Variants in UBE2K observed in about 807,000 individuals in gnomAD.
UBE2K encodes ubiquitin-conjugating enzyme E2 K.
UBE2K carries 6 observed loss-of-function variants against 30.0 expected under a neutral mutation model. That is an observed-to-expected ratio of 0.20 (90% CI 0.11 to 0.39). The LOEUF is 0.39. Ranked by LOEUF, UBE2K falls within the 10% of genes least tolerant of loss-of-function variation. UBE2K has a pLI of 1.00. For missense variants in UBE2K, 61 were observed against 241.6 expected, an observed-to-expected ratio of 0.25 and a Z score of 4.96; for synonymous variants, 86 against 83.7, an observed-to-expected ratio of 1.03 and a Z score of -0.15.
chr4:39,761,503 C>T (rs1044891347), intron 4 of UBE2K, among the ~76,000 whole-genome samples: 20 of 152,170 alleles, frequency 1.3e-4, no homozygotes, highest in Non-Finnish European at 2.9e-4. Context: ...TACATAGCCA[C>T]ATTAACTATG....
intron 1 of UBE2K, among the ~76,000 whole-genome samples, chr4:39,718,606 G>A (rs904777500): frequency 6.6e-6 from 1 of 152,252 alleles, no homozygotes; most frequent in African/African-American, 2.4e-5. Context: ...AGGGGGGCAG[G>A]ACTCAGGCAT....
At chr4:39,715,999 G>A (rs529151287) in intron 1 of UBE2K, among the ~76,000 whole-genome samples, 23 of 152,294 alleles carry the variant, frequency 1.5e-4, no homozygotes, top group Non-Finnish European at 2.4e-4. Context: ...CACAGAGTGA[G>A]TTCTCGTGAT....
chr4:39,741,773 GT>G (rs1465734099), intron 2 of UBE2K, among the ~76,000 whole-genome samples: 1 of 152,080 alleles, frequency 6.6e-6, no homozygotes, highest in African/African-American at 2.4e-5. Context: ...TTTCTTTTAG[GT>G]TTATGGAATC....
At chr4:39,737,005 A>T (rs1250998829) in intron 1 of UBE2K, among the ~76,000 whole-genome samples, 1 of 152,110 alleles carries the variant, frequency 6.6e-6, no homozygotes. Context: ...ATGACCCTGA[A>T]TTTTCTGTTT....
At chr4:39,714,252 C>T in intron 1 of UBE2K, 2 of 186,598 alleles carry the variant, frequency 1.1e-5, no homozygotes, top group Non-Finnish European at 1.2e-5. Flanking sequence ...TTGTTTTCAA[C>T]ATTGTTCTGC....
At chr4:39,744,411 A>T (rs757197623) in intron 2 of UBE2K, among the ~76,000 whole-genome samples, 1 of 150,370 alleles carries the variant, frequency 6.7e-6, no homozygotes, top group Non-Finnish European at 1.5e-5. Context: ...TGACCTCGTG[A>T]TCCACCTGCC....
intron 1 of UBE2K, among the ~76,000 whole-genome samples, chr4:39,723,362 CTT>C (rs529806724): frequency 4.6e-5 from 5 of 108,328 alleles, no homozygotes; most frequent in Admixed American, 1.2e-4. Context: ...GCTGTCTTCT[CTT>C]TTTTTTTTTT....
intron 1 of UBE2K, among the ~76,000 whole-genome samples, chr4:39,709,560 CTT>C (rs1413953470): frequency 2.6e-5 from 4 of 152,036 alleles, no homozygotes; most frequent in African/African-American, 9.7e-5. Flanking sequence ...TTGTTAATCT[CTT>C]GTGTTTAATT....
intron 1 of UBE2K, among the ~76,000 whole-genome samples, chr4:39,716,391 G>A (rs940020692): frequency 6.6e-6 from 1 of 152,194 alleles, no homozygotes; most frequent in African/African-American, 2.4e-5. Flanking sequence ...GGCATTACAG[G>A]CATTTGCCAC....
chr4:39,723,770 T>C (rs1285086874), intron 1 of UBE2K, among the ~76,000 whole-genome samples: 1 of 152,216 alleles, frequency 6.6e-6, no homozygotes, highest in Admixed American at 6.5e-5. Flanking sequence ...AATAATTGTT[T>C]CTCTGTGTTA....
At chr4:39,698,912 G>A (rs1422715175) in intron 1 of UBE2K, among the ~76,000 whole-genome samples, 3 of 152,216 alleles carry the variant, frequency 2.0e-5, no homozygotes, top group Non-Finnish European at 4.4e-5. Context: ...TAAAAAGGAA[G>A]GACATTCAGA....
At chr4:39,707,357 C>T (rs1718424933) in intron 1 of UBE2K, among the ~76,000 whole-genome samples, 1 of 151,878 alleles carries the variant, frequency 6.6e-6, no homozygotes, top group Admixed American at 6.6e-5. Flanking sequence ...CAGGCGCATG[C>T]CACCATACCC....
chr4:39,731,503 A>T (rs1168354461), intron 1 of UBE2K, among the ~76,000 whole-genome samples: 1 of 151,982 alleles, frequency 6.6e-6, no homozygotes, highest in East Asian at 1.9e-4. Context: ...AACATGATGA[A>T]ACCTTGTCTC....
At chr4:39,747,834 C>T (rs1721059614) in intron 3 of UBE2K, among the ~76,000 whole-genome samples, 1 of 150,722 alleles carries the variant, frequency 6.6e-6, no homozygotes, top group Non-Finnish European at 1.5e-5. Flanking sequence ...TGGAGTCTCG[C>T]TCTGCCGCCC....
chr4:39,742,560 G>T (rs1296028180), intron 2 of UBE2K, among the ~76,000 whole-genome samples: 1 of 151,508 alleles, frequency 6.6e-6, no homozygotes, highest in Non-Finnish European at 1.5e-5. Context: ...AGCATGCTGA[G>T]ACCCTGTCTC....
intron 5 of UBE2K, among the ~76,000 whole-genome samples, chr4:39,776,277 A>C (rs1180181512): frequency 6.6e-6 from 1 of 152,104 alleles, no homozygotes; most frequent in Non-Finnish European, 1.5e-5. Flanking sequence ...CTGTCACTAT[A>C]TTTACATAAT....
intron 3 of UBE2K, among the ~76,000 whole-genome samples, chr4:39,747,756 A>G (rs1721053934): frequency 6.6e-6 from 1 of 151,016 alleles, no homozygotes; most frequent in African/African-American, 2.4e-5. Context: ...AGCTGGGACT[A>G]CAGGCGTCTG....
chr4:39,752,641 T>C (rs745739158), intron 3 of UBE2K, among the ~76,000 whole-genome samples: 45 of 152,094 alleles, frequency 3.0e-4, no homozygotes, highest in Middle Eastern at 3.2e-3. Context: ...CAGCCACCAT[T>C]TTAAAGTTAT....
rs569251225 is a variant in UBE2K at position 39,730,810 on chromosome 4, CTT to C, written c.64-6592_64-6591del. ...TAATAATTGCTAGCTGCTATAGCTT[CTT>C]TTTTTTTTTTTTTTTTTGAGACAGA... On this transcript the variant is annotated intron_variant, in intron 1 of 6. Transcript: ENST00000261427. 8.2e-3 allele frequency among the ~76,000 whole-genome samples: 735 copies of C among 89,646 alleles called. 9 individuals are homozygous for C. The highest frequency in any genetic ancestry group is 0.028 in the African/African-American group (673 of 24,410). The allele number at this position is 89,646 out of a possible 152,430, so 58.8% of individuals were successfully genotyped here.
Sources: gnomAD v4.1 joint callset for allele counts (sites outside exome capture counted in the v4.1 genomes callset) on GRCh38, gnomAD v4.1.1 for gene constraint, MANE v1.5 for transcripts, NCBI Gene and HGNC (gene_info 2026-07-23, HGNC 2026-07-21) for gene names.